CPVL: variants seen among roughly 807,000 people sequenced by gnomAD.
CPVL encodes probable serine carboxypeptidase CPVL.
CPVL carries 51 observed loss-of-function variants against 63.7 expected under a neutral mutation model. The observed-to-expected ratio is 0.80, with a 90% confidence interval of 0.64 to 1.01. The LOEUF is 1.01. Among genes scored for constraint, CPVL ranks in the 50% least tolerant of loss-of-function variants. CPVL has a pLI of 0.00. For synonymous variants in CPVL, 195 were observed against 206.0 expected, an observed-to-expected ratio of 0.95 and a Z score of 0.46; for missense variants, 530 against 573.1, an observed-to-expected ratio of 0.92 and a Z score of 0.77.
At chr7:29,075,344 A>G (rs1784134005) in intron 7 of CPVL, among the ~76,000 whole-genome samples, 1 of 152,172 alleles carries the variant, frequency 6.6e-6, no homozygotes, top group South Asian at 2.1e-4. Flanking sequence ...CTTTAAGCCA[A>G]TTTAAGATAA....
At chr7:29,087,095 C>T (rs1467095283) in intron 6 of CPVL, among the ~76,000 whole-genome samples, 1 of 151,976 alleles carries the variant, frequency 6.6e-6, no homozygotes, top group African/African-American at 2.4e-5. Context: ...GTACAGTAGG[C>T]TCTGGGCTAA....
At chr7:29,134,565 T>G (rs935787444) in intron 1 of CPVL, among the ~76,000 whole-genome samples, 2 of 152,116 alleles carry the variant, frequency 1.3e-5, no homozygotes, top group Admixed American at 6.5e-5. Context: ...AGAGAAGATA[T>G]TGCATCCATT....
At chr7:29,152,531 A>T (rs1040270220) in intron 5 of CPVL, among the ~76,000 whole-genome samples, 2 of 152,198 alleles carry the variant, frequency 1.3e-5, no homozygotes, top group African/African-American at 4.8e-5. Context: ...TAGCTAAATG[A>T]TACAGTGCCT....
intron 2 of CPVL, 56 bp downstream of exon 2, chr7:29,120,837 A>G (rs916373781): frequency 5.3e-5 from 76 of 1,425,876 alleles, no homozygotes; most frequent in African/African-American, 3.5e-4. Context: ...AAAAAAAAAA[A>G]AGAGAAACTG....
chr7:29,086,367 G>A (rs1026583277), intron 7 of CPVL, 117 bp downstream of exon 7: 3 of 629,606 alleles, frequency 4.8e-6, no homozygotes, highest in Non-Finnish European at 8.5e-6. Context: ...AATCAATATT[G>A]ATATGTATGT....
rs949876017 is a variant in CPVL at position 29,063,956 on chromosome 7, T to C, written c.1137+105A>G. ...GGCTGTTATTTATGCTAATGACACA[T>C]CATAAAAGTTAAAAAAAAAAAAAAG... On this transcript the variant is annotated intron_variant, in intron 11 of 12. Coordinates refer to ENST00000265394, the MANE Select transcript of CPVL (RefSeq NM_031311.5). 8.5e-6 allele frequency: 6 copies of C among 702,852 alleles called. No individual in the cohort carries two copies. The South Asian group carries it at 8.7e-5, about 10-fold the overall frequency. The allele number at this position is 702,852 out of a possible 1,614,324, so 43.5% of individuals were successfully genotyped here. A position where few individuals can be genotyped will look rare whatever the true frequency, so the allele number is the denominator to read the frequency against.
chr7:29,113,161 T>C (rs1272814986), intron 2 of CPVL, among the ~76,000 whole-genome samples: 1 of 151,954 alleles, frequency 6.6e-6, no homozygotes, highest in Non-Finnish European at 1.5e-5. Flanking sequence ...GTGATCACCT[T>C]GGGCCACATG....
intron 7 of CPVL, among the ~76,000 whole-genome samples, chr7:29,072,852 A>G (rs577266833): frequency 6.6e-6 from 1 of 152,360 alleles, no homozygotes; most frequent in South Asian, 2.1e-4. Context: ...CATGTACTAA[A>G]GGAATAGGAG....
In CPVL at chr7:29,030,691, G is replaced by A. The variant is rs769429493; in HGVS notation, c.1206C>T (p.Gly402=). 6.2e-6 allele frequency: 10 copies of A among 1,613,602 alleles called. No individual in the cohort carries two copies. In the South Asian group the frequency reaches 9.9e-5, roughly 16 times the overall value. The change falls in exon 12 of 13, where the codon GGC becomes GGT. Residue 402 remains glycine, a synonymous_variant. Coordinates refer to ENST00000265394, the MANE Select transcript of CPVL (RefSeq NM_031311.5). ...AAALTERSLM[G]MDWKGSQEYK... ...ATTCCTGGGATCCTTTCCAGTCCAT[G>A]CCCATCAAGGAGCGCTCTGTCAGGG...
rs58153700 is a variant in CPVL, at chr7:29,170,482, A to T, written c.-11+10808T>A. ...TCCCCCATTATTCATATTTTCTCCA[A>T]TTGTTCATCTGGGGACGAATTTAAG... On this transcript the variant is annotated intron_variant, in intron 5 of 16. Transcript: ENST00000409850. 7.9e-5 allele frequency among the ~76,000 whole-genome samples: 12 copies of T among 152,206 alleles called. No homozygotes were observed. In the East Asian group the frequency reaches 1.3e-3, roughly 17 times the overall value.
intron 3 of CPVL, among the ~76,000 whole-genome samples, chr7:29,100,575 T>C: frequency 6.6e-6 from 1 of 152,192 alleles, no homozygotes. Flanking sequence ...ACCGGACCTC[T>C]GGACTCAGAA....
At chr7:29,087,639 T>C (rs1403610602) in intron 6 of CPVL, among the ~76,000 whole-genome samples, 1 of 152,132 alleles carries the variant, frequency 6.6e-6, no homozygotes, top group Non-Finnish European at 1.5e-5. Context: ...CCTGCGAAGC[T>C]AGGGGAGGTT....
intron 7 of CPVL, among the ~76,000 whole-genome samples, chr7:29,085,772 A>G (rs1785139761): frequency 6.6e-6 from 1 of 152,232 alleles, no homozygotes; most frequent in African/African-American, 2.4e-5. Context: ...CACACCAGAA[A>G]GTACACACCA....
At chr7:29,103,179 C>A in intron 3 of CPVL, among the ~76,000 whole-genome samples, 1 of 6,582 alleles carries the variant, frequency 1.5e-4, no homozygotes, top group African/African-American at 5.0e-4. Context: ...AGTTAATATA[C>A]TGGGGGGGGG....
chr7:29,051,544 C>A (rs765993969), intron 11 of CPVL, among the ~76,000 whole-genome samples: 8 of 152,058 alleles, frequency 5.3e-5, no homozygotes, highest in Non-Finnish European at 1.2e-4. Flanking sequence ...AACCACCATG[C>A]GATACCACCT....
At position 29,190,048 on chromosome 7, in the gene CPVL, G is replaced by A. The variant is rs544622380; in HGVS notation, c.-447-3501C>T. Among the ~76,000 whole-genome samples the A allele has an allele frequency of 5.3e-5, 8 of 152,366 alleles. No individual in the cohort carries two copies. The South Asian group carries it at 1.2e-3, about 24-fold the overall frequency. On this transcript the variant is annotated intron_variant, in intron 1 of 16. Transcript: ENST00000409850. ...CCTGCTCATTAACCCATCCTGGGCC[G>A]TCTGTGCACCTCCTGAGGAAACAGC...
chr7:29,064,359 C>T (rs996687118), intron 10 of CPVL, 125 bp from the exon 11 acceptor site: 50 of 523,544 alleles, frequency 9.6e-5, no homozygotes, highest in African/African-American at 6.3e-4. Context: ...ATTAACTTGT[C>T]GCCATTCTTG....
intron 1 of CPVL, among the ~76,000 whole-genome samples, chr7:29,129,352 G>GT (rs570463399): frequency 4.1e-4 from 63 of 152,326 alleles, no homozygotes; most frequent in African/African-American, 1.3e-3. Context: ...GAATTGTTAT[G>GT]TGCTGAGCTG....
intron 3 of CPVL, among the ~76,000 whole-genome samples, chr7:29,103,188 G>GGGC (rs1562770734): frequency 7.1e-6 from 1 of 140,440 alleles, no homozygotes; most frequent in East Asian, 2.2e-4. Flanking sequence ...ACTGGGGGGG[G>GGGC]GGGGGGGGTG....
Sources: gnomAD v4.1 joint callset for allele counts (sites outside exome capture counted in the v4.1 genomes callset) on GRCh38, gnomAD v4.1.1 for gene constraint, MANE v1.5 for transcripts, NCBI Gene and HGNC (gene_info 2026-07-23, HGNC 2026-07-21) for gene names.